PLAA: variants seen among roughly 807,000 people sequenced by gnomAD.
PLAA encodes phospholipase A-2-activating protein.
In PLAA, 48 loss-of-function variants were observed where a neutral mutation model predicts 84.1. That is an observed-to-expected ratio of 0.57 (90% CI 0.45 to 0.73). The LOEUF (loss-of-function observed/expected upper bound fraction) is 0.73. PLAA is among the 30% of genes least tolerant of loss of function. The probability of loss-of-function intolerance (pLI) is 0.00; values close to 1 mark genes in which losing one functional copy is unlikely to be tolerated. For synonymous variants in PLAA, 392 were observed against 336.6 expected, an observed-to-expected ratio of 1.16 and a Z score of -1.80; for missense variants, 903 against 954.7, an observed-to-expected ratio of 0.95 and a Z score of 0.71.
intron 1 of PLAA, among the ~76,000 whole-genome samples, chr9:26,937,167 G>A (rs1825386593): frequency 6.6e-6 from 1 of 151,996 alleles, no homozygotes; most frequent in Non-Finnish European, 1.5e-5. Flanking sequence ...AAAGGCTGAT[G>A]TCCATTCCCC....
At chr9:26,929,080 T>C (rs1825082906) in intron 2 of PLAA, among the ~76,000 whole-genome samples, 1 of 152,112 alleles carries the variant, frequency 6.6e-6, no homozygotes, top group Non-Finnish European at 1.5e-5. Context: ...GCGCCTGTGT[T>C]CCCAGCTACT....
chr9:26,937,539 A>T (rs1258651984), intron 1 of PLAA, among the ~76,000 whole-genome samples: 1 of 152,194 alleles, frequency 6.6e-6, no homozygotes, highest in Non-Finnish European at 1.5e-5. Flanking sequence ...TCAAAGGAAA[A>T]ATTAAGTCAA....
In PLAA at chr9:26,903,992, A is replaced by G. The variant is rs1382420144; in HGVS notation, c.*1519T>C. On this transcript the variant is annotated 3_prime_UTR_variant, in exon 14 of 14. Transcript: ENST00000397292. Reference sequence around the variant, plus strand: ...TTCCTAATTTTGCCATTTAACTTTGACATAACCACCTAAACCCAATCAAAA... The same window carrying G: ...TTCCTAATTTTGCCATTTAACTTTGGCATAACCACCTAAACCCAATCAAAA... 3 of 153,736 alleles carry G rather than the reference A, an allele frequency of 2.0e-5. No individual in the cohort carries two copies. The highest frequency in any genetic ancestry group is 7.2e-5 in the African/African-American group (3 of 41,464). 9.5% of individuals were successfully genotyped at this position (153,736 alleles called of 1,614,324 possible).
chr9:26,909,336 A>T (rs535065741), intron 12 of PLAA, among the ~76,000 whole-genome samples: 47 of 152,290 alleles, frequency 3.1e-4, no homozygotes, highest in Non-Finnish European at 5.1e-4. Context: ...AGTTTTTTTA[A>T]AAAAAATCTA....
intron 1 of PLAA, among the ~76,000 whole-genome samples, chr9:26,941,036 C>T (rs962319979): frequency 2.6e-5 from 4 of 151,910 alleles, no homozygotes; most frequent in Non-Finnish European, 5.9e-5. Context: ...CTGTGAAGTT[C>T]TTAATGGCAG....
chr9:26,913,989 A>C, intron 10 of PLAA, 42 bp from the exon 11 acceptor site: 1 of 1,403,490 alleles, frequency 7.1e-7, no homozygotes, highest in South Asian at 1.2e-5. Flanking sequence ...GGTGACTGTA[A>C]ATTATAAAGT....
chr9:26,918,314 G>A (rs1398003648), intron 9 of PLAA, among the ~76,000 whole-genome samples: 2 of 127,190 alleles, frequency 1.6e-5, no homozygotes, highest in Non-Finnish European at 3.3e-5. Flanking sequence ...TTTTTTAGTA[G>A]AGACAGGGTT....
chr9:26,926,016 C>A, intron 5 of PLAA, 56 bp from the exon 6 acceptor site: 1 of 1,397,192 alleles, frequency 7.2e-7, no homozygotes, highest in South Asian at 1.2e-5. Context: ...TACATTTATA[C>A]ATACCATCTT....
chr9:26,911,109 G>C (rs1824385927), intron 11 of PLAA, among the ~76,000 whole-genome samples: 1 of 151,902 alleles, frequency 6.6e-6, no homozygotes, highest in Admixed American at 6.6e-5. Flanking sequence ...GTGCAAGTTT[G>C]TTACATAGGT....
Position 26,905,072 on chromosome 9 carries a change from A to C in PLAA, c.*439T>G, listed in dbSNP as rs559082662. ...TAATTTAAAAAATTTTAAAGTAGTT[A>C]TCCTAAAACAAGACCTTGAAATGTA... On this transcript the variant is annotated 3_prime_UTR_variant, in exon 14 of 14. Transcript: ENST00000397292. The C allele has an allele frequency of 5.9e-5, 9 of 152,678 alleles. No individual in the cohort carries two copies. The highest frequency in any genetic ancestry group is 2.2e-4 in the African/African-American group (9 of 41,584). 9.5% of individuals were successfully genotyped at this position (152,678 alleles called of 1,614,324 possible).
At chr9:26,930,106 A>ATTAT (rs1554660101) in intron 2 of PLAA, among the ~76,000 whole-genome samples, 48 of 140,180 alleles carry the variant, frequency 3.4e-4, no homozygotes, top group African/African-American at 1.1e-3. Flanking sequence ...TATTATTATT[A>ATTAT]TTTTTTTTTT....
rs58471718 is a variant in PLAA, at chr9:26,940,978, C to T, written c.150-5772G>A. On this transcript the variant is annotated intron_variant, in intron 1 of 13. Coordinates refer to ENST00000397292, the MANE Select transcript of PLAA (RefSeq NM_001031689.3). ...ACTAAATCTACCCACTATGTGTAAC[C>T]CTTAACACTTCAAAGCATAGATGTT... 3.1e-3 allele frequency among the ~76,000 whole-genome samples: 475 copies of T among 152,080 alleles called. 2 individuals carry two copies. The highest frequency in any genetic ancestry group is 0.011 in the African/African-American group (457 of 41,504).
Position 26,920,268 on chromosome 9 carries a change from C to A in PLAA, c.1156G>T (p.Ala386Ser). 6.2e-7 allele frequency: 1 copy of A among 1,613,942 alleles called. No individual in the cohort carries two copies. The highest frequency in any genetic ancestry group is 8.5e-7 in the Non-Finnish European group (1 of 1,179,892). Reference protein sequence around the residue: ...KIGDVVGSSGANQQTSGKVLY... With the variant: ...KIGDVVGSSGSNQQTSGKVLY... ...ACTTTTCCAGATGTTTGCTGATTAG[C>A]ACCAGATGAGCCAACAACATCACCA... Residue 386 changes from alanine to serine, a missense_variant, in exon 8 of 14, where the codon GCT (alanine) becomes TCT (serine). Ala to Ser is a moderately conservative substitution (Grantham distance 99). Coordinates refer to ENST00000397292, the MANE Select transcript of PLAA (RefSeq NM_001031689.3).
chr9:26,925,950 T>C lies in PLAA; in HGVS notation c.744A>G (p.Thr248=). Residue 248 remains threonine, a synonymous_variant, in exon 6 of 14, where the codon ACA becomes ACG. Transcript: ENST00000397292. Reference sequence around the variant, plus strand: ...TTCTCAGAGATCTGTCCTCTGCTGTTGTCACAAAGTCTAAAATTAATGAAT... The same window carrying C: ...TTCTCAGAGATCTGTCCTCTGCTGTCGTCACAAAGTCTAAAATTAATGAAT... ...SVFPNCRDFV[T]TAEDRSLRIW... 6.2e-7 allele frequency: 1 copy of C among 1,612,902 alleles called. No homozygotes were observed. Among genetic ancestry groups the C allele is most frequent in the Middle Eastern group, 1.7e-4 (1 of 6,060 alleles).
chr9:26,928,597 G>C (rs1467798703), intron 2 of PLAA, among the ~76,000 whole-genome samples, 189 bp from the exon 3 acceptor site: 1 of 152,176 alleles, frequency 6.6e-6, no homozygotes, highest in African/African-American at 2.4e-5. Context: ...AGACTGCCTG[G>C]GCGCAAGGCC....
At chr9:26,945,880 G>C (rs1825682671) in intron 1 of PLAA, among the ~76,000 whole-genome samples, 1 of 152,164 alleles carries the variant, frequency 6.6e-6, no homozygotes, top group African/African-American at 2.4e-5. Context: ...CCTCAGAGAG[G>C]CTTCCTTTAA....
intron 6 of PLAA, among the ~76,000 whole-genome samples, chr9:26,924,317 G>T (rs1206858337): frequency 6.6e-6 from 1 of 151,536 alleles, no homozygotes; most frequent in East Asian, 1.9e-4. Context: ...TTTTTTGTAT[G>T]GAGACAGGGT....
intron 2 of PLAA, among the ~76,000 whole-genome samples, chr9:26,932,572 T>A (rs1303644969): frequency 6.6e-6 from 1 of 152,118 alleles, no homozygotes; most frequent in East Asian, 1.9e-4. Context: ...AAGCAGAAAA[T>A]TTATTTACTA....
At chr9:26,939,771 T>C (rs1825473053) in intron 1 of PLAA, among the ~76,000 whole-genome samples, 1 of 151,842 alleles carries the variant, frequency 6.6e-6, no homozygotes, top group Non-Finnish European at 1.5e-5. Flanking sequence ...TAGACAAAAT[T>C]GACCTTAAAT....
Sources: allele counts gnomAD v4.1 joint callset (sites outside exome capture counted in the v4.1 genomes callset), GRCh38; gene constraint gnomAD v4.1.1; transcripts MANE v1.5; gene names NCBI Gene and HGNC (gene_info 2026-07-23, HGNC 2026-07-21).